LDHAL6A: variants seen among roughly 807,000 people sequenced by gnomAD.
LDHAL6A encodes the protein lactate dehydrogenase A like 6A.
In LDHAL6A, 19 loss-of-function variants were observed where a neutral mutation model predicts 28.2. The ratio of observed to expected loss-of-function variants is 0.67; its 90% CI spans 0.47 to 0.99. The LOEUF (loss-of-function observed/expected upper bound fraction) is 0.99, where lower values mean the gene tolerates loss of function less well. LDHAL6A is among the 50% of genes least tolerant of loss of function. The pLI, the probability that LDHAL6A is intolerant of heterozygous loss-of-function variation, is 0.00. For synonymous variants in LDHAL6A, 144 were observed against 134.4 expected (o/e 1.07, Z -0.49); for missense variants, 372 against 398.6 (o/e 0.93, Z 0.57).
intron 5 of LDHAL6A, chr11:18,476,724 TG>T: frequency 4.2e-6 from 2 of 480,670 alleles, no homozygotes; most frequent in Non-Finnish European, 5.4e-6. Flanking sequence ...ATTGAGCACA[TG>T]GTAGGGGCTC....
Position 18,479,042 on chromosome 11 carries a change from T to G in LDHAL6A, c.*172T>G. On this transcript the variant is annotated 3_prime_UTR_variant, in exon 7 of 7. Coordinates refer to ENST00000280706, the MANE Select transcript of LDHAL6A (RefSeq NM_144972.5). ...TTTTTTCTTTTTTGGGAGGGTCTCA[T>G]TCTGTCACCCAGGCTGGAGTGCAGT... The G allele has an allele frequency of 1.9e-6, 1 of 534,894 alleles. No individual in the cohort carries two copies. The highest frequency in any genetic ancestry group is 3.2e-6 in the Non-Finnish European group (1 of 310,136). The allele number at this position is 534,894 out of a possible 1,614,324, so 33.1% of individuals were successfully genotyped here.
At chr11:18,464,977 G>GTTTTTTTTTATTTTTTTTTTTTTTTTTT (rs67628824) in intron 2 of LDHAL6A, among the ~76,000 whole-genome samples, 1 of 125,490 alleles carries the variant, frequency 8.0e-6, no homozygotes, top group Non-Finnish European at 1.6e-5. Context: ...TGTTTTTTTT[G>GTTTTTTTTTATTTTTTTTTTTTTTTTTT]TTTTTTTTTG....
intron 3 of LDHAL6A, among the ~76,000 whole-genome samples, chr11:18,469,519 C>T (rs1180748748): frequency 2.0e-5 from 3 of 152,140 alleles, no homozygotes; most frequent in Admixed American, 6.6e-5. Context: ...TCAGAGGATA[C>T]TCTTTCTACA....
rs988103116 is a variant in LDHAL6A, at chr11:18,476,723, A to C, written c.710+222A>C. 9 of 489,832 alleles carry C rather than the reference A, an allele frequency of 1.8e-5. No homozygotes were observed. In the South Asian group the frequency reaches 5.2e-4, roughly 28 times the overall value. 30.3% of individuals were successfully genotyped at this position (489,832 alleles called of 1,614,324 possible). A position where few individuals can be genotyped will look rare whatever the true frequency, so the allele number is the denominator to read the frequency against. The stretch of plus-strand genomic sequence containing the variant: ...CTGAGCCTAACCCAGTATTGAGCAC[A>C]TGGTAGGGGCTCACTTGTTGACTGA... On this transcript the variant is annotated intron_variant, in intron 5 of 6. Coordinates refer to ENST00000280706, the MANE Select transcript of LDHAL6A (RefSeq NM_144972.5).
At chr11:18,475,022 C>T (rs1849337808) in intron 3 of LDHAL6A, among the ~76,000 whole-genome samples, 5 of 151,784 alleles carry the variant, frequency 3.3e-5, no homozygotes, top group Admixed American at 1.3e-4. Context: ...AGGTGAATCA[C>T]CTGAGGTCAG....
chr11:18,464,347 C>T (rs1590249519), intron 2 of LDHAL6A, among the ~76,000 whole-genome samples: 1 of 152,042 alleles, frequency 6.6e-6, no homozygotes, highest in Admixed American at 6.6e-5. Flanking sequence ...AGACATTGAC[C>T]CAAGCACTTT....
In LDHAL6A at chr11:18,477,717, G is replaced by A. The variant is rs1849425046; in HGVS notation, c.808G>A (p.Val270Met). The A allele has an allele frequency of 6.2e-7, 1 of 1,610,302 alleles. No homozygotes were observed. The highest frequency in any genetic ancestry group is 1.3e-5 in the African/African-American group (1 of 74,710). The part of the protein sequence containing the change: ...TESILKNLRR[V>M]HPVSTLSKGL... ...AAGTATTTTGAAGAATCTTAGGAGAGTGCATCCAGTTTCTACCCTAAGTAA... is the reference window on the plus strand; with the variant it reads ...AAGTATTTTGAAGAATCTTAGGAGAATGCATCCAGTTTCTACCCTAAGTAA... The change falls in exon 6 of 7, where the codon GTG (valine) becomes ATG (methionine). Residue 270 changes from valine to methionine, a missense_variant. This residue lies in a region of LDHAL6A where 291 missense variants were observed against 302.9 expected (regional missense o/e 0.96). Transcript: ENST00000280706.
intron 3 of LDHAL6A, among the ~76,000 whole-genome samples, chr11:18,470,727 C>T (rs1849236921): frequency 6.6e-6 from 1 of 151,060 alleles, no homozygotes; most frequent in Non-Finnish European, 1.5e-5. Flanking sequence ...TGGTCTGTTG[C>T]CCAGGCTGGA....
chr11:18,463,326 G>T (rs1848973898), intron 1 of LDHAL6A, among the ~76,000 whole-genome samples: 1 of 152,104 alleles, frequency 6.6e-6, no homozygotes, highest in African/African-American at 2.4e-5. Context: ...CAGCCTCCTT[G>T]CCATGTGATG....
intron 6 of LDHAL6A, among the ~76,000 whole-genome samples, chr11:18,478,043 G>C (rs758984874): frequency 2.0e-4 from 30 of 152,322 alleles, no homozygotes; most frequent in Non-Finnish European, 3.2e-4. Context: ...ACTATGGGCA[G>C]ACCTTGGTAC....
Position 18,478,794 on chromosome 11 carries a change from T to G in LDHAL6A, c.923T>G (p.Leu308Arg), listed in dbSNP as rs761543286. ...NGITDLIKVK[L>R]TLEEEACLQK... ...ATCACAGACCTCATAAAAGTAAAAC[T>G]GACTCTTGAAGAGGAGGCCTGCTTG... The change falls in exon 7 of 7, where the codon CTG becomes CGG. Residue 308 changes from leucine (L) to arginine (R), a missense_variant. Around this residue, in one of 3 missense-constraint regions of LDHAL6A, gnomAD observed 291 missense variants for 302.9 expected, o/e 0.96. Transcript: ENST00000280706. The G allele has an allele frequency of 2.5e-6, 4 of 1,613,742 alleles. No homozygotes were observed. The highest frequency in any genetic ancestry group is 3.4e-6 in the Non-Finnish European group (4 of 1,179,850).
intron 3 of LDHAL6A, among the ~76,000 whole-genome samples, chr11:18,473,594 G>T (rs539292416): frequency 6.6e-6 from 1 of 152,264 alleles, no homozygotes; most frequent in South Asian, 2.1e-4. Context: ...ACGCGGTCTT[G>T]TTATGTTGCC....
Position 18,471,853 on chromosome 11 carries a change from T to A in LDHAL6A, c.419-3613T>A, listed in dbSNP as rs1375980273. ...TTTGTAATTGTTGATTTAAGAGTAT[T>A]TAGGATTTTTTTTTTTTTTTTACAA... On this transcript the variant is annotated intron_variant, in intron 3 of 6. Transcript: ENST00000280706. 5.3e-5 allele frequency among the ~76,000 whole-genome samples: 8 copies of A among 151,068 alleles called. No individual in the cohort carries two copies. In the South Asian group the frequency reaches 1.7e-3, roughly 31 times the overall value.
Position 18,477,722 on chromosome 11 carries a change from TCCAGTTTCTAC to T in LDHAL6A, c.816_826del (p.Val273LysfsTer2), listed in dbSNP as rs1565076876. 3 of 1,610,188 alleles carry T rather than the reference TCCAGTTTCTAC, an allele frequency of 1.9e-6. No homozygotes were observed. Among genetic ancestry groups the T allele is most frequent in the Non-Finnish European group, 2.5e-6 (3 of 1,178,762 alleles). On this transcript the variant is annotated frameshift_variant, in exon 6 of 7. Coordinates refer to ENST00000280706, the MANE Select transcript of LDHAL6A (RefSeq NM_144972.5). LOFTEE classifies it low-confidence loss of function (END_TRUNC). Reference sequence around the variant, plus strand: ...TTTTGAAGAATCTTAGGAGAGTGCATCCAGTTTCTACCCTAAGTAAGGTAGGACATTCATGT... The same window carrying T: ...TTTTGAAGAATCTTAGGAGAGTGCATCCTAAGTAAGGTAGGACATTCATGT...
intron 3 of LDHAL6A, among the ~76,000 whole-genome samples, chr11:18,468,022 TAC>T (rs1184024732): frequency 3.2e-5 from 2 of 62,406 alleles, no homozygotes; most frequent in African/African-American, 1.3e-4. Context: ...TACATATATA[TAC>T]GTATATATAT....
At chr11:18,476,254 TG>T in intron 4 of LDHAL6A, 129 bp from the exon 5 acceptor site, 2 of 947,520 alleles carry the variant, frequency 2.1e-6, no homozygotes, top group South Asian at 2.4e-5. Flanking sequence ...ATATCTGGAG[TG>T]GGGCTCAGAT....
In LDHAL6A at chr11:18,475,500, T is replaced by A. The variant is rs903996563; in HGVS notation, c.453T>A (p.Ser151Arg). 2 of 1,613,878 alleles carry A rather than the reference T, an allele frequency of 1.2e-6. No individual in the cohort carries two copies. Among genetic ancestry groups the A allele is most frequent in the Non-Finnish European group, 1.7e-6 (2 of 1,179,880 alleles). ...DILTYVAWKLSGFPKNRVIGS... is the reference protein window; with the variant it reads ...DILTYVAWKLRGFPKNRVIGS... Reference sequence around the variant, plus strand: ...TAACTTATGTAGCCTGGAAGTTGAGTGGATTTCCCAAAAACCGTGTTATTG... The same window carrying A: ...TAACTTATGTAGCCTGGAAGTTGAGAGGATTTCCCAAAAACCGTGTTATTG... Residue 151 changes from serine to arginine, a missense_variant, in exon 4 of 7, where the codon AGT becomes AGA. Transcript: ENST00000280706.
At chr11:18,467,912 TATATATACACAC>T (rs1849124073) in intron 3 of LDHAL6A, among the ~76,000 whole-genome samples, 1 of 67,786 alleles carries the variant, frequency 1.5e-5, no homozygotes. Context: ...TATATATATA[TATATATACACAC>T]ACATATATAT....
chr11:18,462,897 A>G (rs1006512395), intron 1 of LDHAL6A, among the ~76,000 whole-genome samples: 5 of 151,776 alleles, frequency 3.3e-5, no homozygotes, highest in Non-Finnish European at 7.4e-5. Flanking sequence ...TTTCCATCCA[A>G]TCTTTCCTTA....
Sources: gnomAD v4.1 joint callset for allele counts (sites outside exome capture counted in the v4.1 genomes callset) on GRCh38, gnomAD v4.1.1 for gene constraint, gnomAD v4.1.1 regional missense constraint, MANE v1.5 for transcripts, NCBI Gene and HGNC (gene_info 2026-07-23, HGNC 2026-07-21) for gene names.